PACSIN2: variants seen among roughly 807,000 people sequenced by gnomAD.
PACSIN2 encodes the protein protein kinase C and casein kinase substrate in neurons 2.
Under a neutral mutation model 63.8 loss-of-function variants are expected in PACSIN2, and 25 were observed. That is an observed-to-expected ratio of 0.39 (90% CI 0.29 to 0.55). The LOEUF (loss-of-function observed/expected upper bound fraction) is 0.55, where lower values mean the gene tolerates loss of function less well. PACSIN2 is among the 20% of genes least tolerant of loss of function. The pLI, the probability that PACSIN2 is intolerant of heterozygous loss-of-function variation, is 0.62. For missense variants in PACSIN2, 518 were observed against 646.9 expected, an observed-to-expected ratio of 0.80 and a Z score of 2.16; for synonymous variants, 255 against 256.2, an observed-to-expected ratio of 1.00 and a Z score of 0.05.
Position 42,870,943 on chromosome 22 carries a change from C to T in PACSIN2, c.*414G>A, listed in dbSNP as rs904971739. On this transcript the variant is annotated 3_prime_UTR_variant, in exon 11 of 11. Coordinates refer to ENST00000263246, the MANE Select transcript of PACSIN2 (RefSeq NM_001184970.3). The stretch of plus-strand genomic sequence containing the variant: ...CTGTACACAGCCTTTAAATTAAAAA[C>T]CTCAAAATCTTCACTCAAAATGGGA... 1.5e-5 allele frequency: 3 copies of T among 200,956 alleles called. No individual in the cohort carries two copies. The Admixed American group carries it at 1.6e-4, about 11-fold the overall frequency. 12.4% of individuals were successfully genotyped at this position (200,956 alleles called of 1,614,324 possible).
intron 1 of PACSIN2, among the ~76,000 whole-genome samples, chr22:42,975,824 C>T (rs1921665180): frequency 6.6e-6 from 1 of 152,114 alleles, no homozygotes; most frequent in Non-Finnish European, 1.5e-5. Flanking sequence ...ATATATCCAT[C>T]ACCTCTTATT....
chr22:42,998,374 A>G (rs1336383690), intron 1 of PACSIN2, among the ~76,000 whole-genome samples: 1 of 152,110 alleles, frequency 6.6e-6, no homozygotes, highest in African/African-American at 2.4e-5. Context: ...ACCCAGCCAC[A>G]CTGGCCTCCA....
rs575054915 is a variant in PACSIN2 at position 42,904,744 on chromosome 22, C to T, written c.60+7277G>A. ...CCCCCCATACTGCACTCCAGTCTAC[C>T]TCCACCCTGGCCCTAGCCCCCTGCA... On this transcript the variant is annotated intron_variant, in intron 2 of 10. Coordinates refer to ENST00000263246, the MANE Select transcript of PACSIN2 (RefSeq NM_001184970.3). Among the ~76,000 whole-genome samples, 5 of 152,252 alleles carry T rather than the reference C, an allele frequency of 3.3e-5. No individual in the cohort carries two copies. In the East Asian group the frequency reaches 7.7e-4, roughly 24 times the overall value.
At chr22:42,980,549 C>T (rs1028386427) in intron 1 of PACSIN2, among the ~76,000 whole-genome samples, 7 of 135,678 alleles carry the variant, frequency 5.2e-5, no homozygotes, top group Non-Finnish European at 1.6e-5. Flanking sequence ...CAAAGCTGGA[C>T]GGTACTGCTG....
At chr22:42,931,009 A>T (rs1346140746) in intron 1 of PACSIN2, among the ~76,000 whole-genome samples, 1 of 152,246 alleles carries the variant, frequency 6.6e-6, no homozygotes, top group Non-Finnish European at 1.5e-5. Flanking sequence ...TGCCAACCCG[A>T]GTCCAACAAG....
At chr22:42,886,754 A>G (rs1372375138) in intron 5 of PACSIN2, among the ~76,000 whole-genome samples, 2 of 152,152 alleles carry the variant, frequency 1.3e-5, no homozygotes, top group Non-Finnish European at 2.9e-5. Context: ...AGCTCTAGGC[A>G]CACAAGGACC....
At chr22:42,876,602 G>A (rs1285119919) in intron 9 of PACSIN2, among the ~76,000 whole-genome samples, 1 of 152,254 alleles carries the variant, frequency 6.6e-6, no homozygotes. Context: ...CACAGACTGC[G>A]CGTTGTCTGT....
chr22:42,947,787 G>C (rs940578536), intron 1 of PACSIN2, among the ~76,000 whole-genome samples: 1 of 152,196 alleles, frequency 6.6e-6, no homozygotes, highest in African/African-American at 2.4e-5. Flanking sequence ...CAGGTTGCAC[G>C]GATCAAATGG....
intron 1 of PACSIN2, among the ~76,000 whole-genome samples, chr22:43,012,653 ATT>A (rs888300681): frequency 6.4e-5 from 9 of 141,490 alleles, no homozygotes; most frequent in Middle Eastern, 3.6e-3. Flanking sequence ...CGCCAGACTA[ATT>A]TTTTTTTTTT....
intron 2 of PACSIN2, among the ~76,000 whole-genome samples, chr22:42,901,701 G>C (rs1184678150): frequency 6.6e-6 from 1 of 152,246 alleles, no homozygotes; most frequent in Non-Finnish European, 1.5e-5. Flanking sequence ...CTAACTTCTT[G>C]CTAAGCCATT....
chr22:42,983,489 C>CAAAAAAA (rs775403003), intron 1 of PACSIN2, among the ~76,000 whole-genome samples: 2,957 of 81,812 alleles, frequency 0.036, 486 homozygotes, highest in East Asian at 0.14. Context: ...GACTCCATCT[C>CAAAAAAA]AAAAAAAAAA....
At chr22:42,889,373 T>TACACACACACACACAC (rs58408551) in intron 4 of PACSIN2, among the ~76,000 whole-genome samples, 6,537 of 122,324 alleles carry the variant, frequency 0.053, 167 homozygotes, top group South Asian at 0.097. Flanking sequence ...TAATGGTTTT[T>TACACACACACACACAC]ACACACACAC....
chr22:42,878,914 G>C (rs1928852480), intron 8 of PACSIN2, 134 bp downstream of exon 8: 1 of 1,030,560 alleles, frequency 9.7e-7, no homozygotes, highest in Non-Finnish European at 1.4e-6. Flanking sequence ...TGTCCAGGCT[G>C]GGCCACGGCC....
intron 1 of PACSIN2, among the ~76,000 whole-genome samples, chr22:42,967,036 G>A (rs958456402): frequency 2.6e-5 from 4 of 152,104 alleles, no homozygotes; most frequent in Admixed American, 6.6e-5. Flanking sequence ...GAACTTGTCC[G>A]TAAGCAGCTT....
At chr22:42,940,457 C>G (rs1439713305) in intron 1 of PACSIN2, among the ~76,000 whole-genome samples, 2 of 152,160 alleles carry the variant, frequency 1.3e-5, no homozygotes, top group African/African-American at 4.8e-5. Context: ...CTCAAACTTC[C>G]TCCTCAATCC....
At chr22:42,902,845 C>A (rs1038766858) in intron 2 of PACSIN2, among the ~76,000 whole-genome samples, 4 of 152,202 alleles carry the variant, frequency 2.6e-5, no homozygotes, top group Non-Finnish European at 4.4e-5. Context: ...AACTCCTGAC[C>A]TCAAGTGATC....
chr22:42,955,301 A>G (rs187057621), intron 1 of PACSIN2, among the ~76,000 whole-genome samples: 104 of 150,606 alleles, frequency 6.9e-4, no homozygotes, highest in South Asian at 5.4e-3. Flanking sequence ...ATGAATGAAC[A>G]AACAAACGAA....
intron 1 of PACSIN2, among the ~76,000 whole-genome samples, chr22:42,931,891 T>G (rs1196289465): frequency 6.6e-6 from 1 of 152,128 alleles, no homozygotes. Flanking sequence ...AACCCTAAAT[T>G]TTCAAAGCTA....
At chr22:42,892,984 G>C (rs745682300) in intron 3 of PACSIN2, among the ~76,000 whole-genome samples, 28 of 152,192 alleles carry the variant, frequency 1.8e-4, no homozygotes, top group Non-Finnish European at 2.9e-4. Context: ...GGGACAGAAG[G>C]GGGTGAAACC....
Sources: gnomAD v4.1 joint callset for allele counts (sites outside exome capture counted in the v4.1 genomes callset) on GRCh38, gnomAD v4.1.1 for gene constraint, MANE v1.5 for transcripts, NCBI Gene and HGNC (gene_info 2026-07-23, HGNC 2026-07-21) for gene names.